Variants in LOC400499 observed in about 807,000 individuals in gnomAD.
the LOC400499 span, chr16:11,478,788 AT>A: frequency 6.3e-5 from 25 of 397,808 alleles, no homozygotes; most frequent in Admixed American, 9.7e-4. Flanking sequence ...AGCTCCCATA[AT>A]TCCCACATGC....
chr16:11,488,893 G>C, the LOC400499 span: 6 of 398,708 alleles, frequency 1.5e-5, no homozygotes, highest in Non-Finnish European at 2.2e-5. Flanking sequence ...GGGCAGCAGG[G>C]AGGGGCCGTG....
At chr16:11,441,105 G>C in the LOC400499 span, 2 of 398,986 alleles carry the variant, frequency 5.0e-6, no homozygotes, top group Non-Finnish European at 4.4e-6. Flanking sequence ...GGGGCACTGA[G>C]AGAGGTCTCA....
At chr16:11,422,419 A>G in the LOC400499 span, among the ~76,000 whole-genome samples, 6 of 152,014 alleles carry the variant, frequency 3.9e-5, no homozygotes, top group Non-Finnish European at 7.4e-5. Flanking sequence ...AAGGAATGGG[A>G]CGGAAAGGAA....
chr16:11,408,451 ATTT>A, the LOC400499 span, among the ~76,000 whole-genome samples: 367 of 131,156 alleles, frequency 2.8e-3, no homozygotes, highest in Non-Finnish European at 3.5e-3. Flanking sequence ...TCAGTGCAGG[ATTT>A]TTTTTTTTTT....
the LOC400499 span, among the ~76,000 whole-genome samples, chr16:11,495,370 C>A: frequency 7.3e-5 from 11 of 151,004 alleles, no homozygotes; most frequent in Admixed American, 2.0e-4. Flanking sequence ...TCAGAGAAAT[C>A]AGACCAACAA....
the LOC400499 span, among the ~76,000 whole-genome samples, chr16:11,416,694 A>G: frequency 2.0e-5 from 3 of 152,132 alleles, no homozygotes; most frequent in Non-Finnish European, 4.4e-5. Context: ...GGGAGGTGGA[A>G]AAGAGAGGCC....
the LOC400499 span, chr16:11,393,519 C>G: frequency 8.1e-7 from 1 of 1,232,386 alleles, no homozygotes; most frequent in East Asian, 3.2e-5. Context: ...GGTGGAGACA[C>G]GGCCCAGTAG....
the LOC400499 span, among the ~76,000 whole-genome samples, chr16:11,377,707 TAGTA>T: frequency 6.6e-6 from 1 of 152,240 alleles, no homozygotes; most frequent in African/African-American, 2.4e-5. Context: ...TTCTCCTTAT[TAGTA>T]TTTTGTTGAG....
the LOC400499 span, among the ~76,000 whole-genome samples, chr16:11,417,466 G>C: frequency 6.8e-6 from 1 of 147,502 alleles, no homozygotes; most frequent in African/African-American, 2.6e-5. Flanking sequence ...CACCTGCCTT[G>C]GGAGTTAGGT....
chr16:11,405,304 G>A, the LOC400499 span, among the ~76,000 whole-genome samples: 2,024 of 152,320 alleles, frequency 0.013, 40 homozygotes, highest in African/African-American at 0.046. Context: ...ATCATGTAGC[G>A]AGCAGGTATC....
the LOC400499 span, chr16:11,383,704 G>GCCAGGTTGCAGGCAGGCT: frequency 1.6e-6 from 2 of 1,232,472 alleles, no homozygotes; most frequent in Non-Finnish European, 2.0e-6. Flanking sequence ...GTAGGCGGCC[G>GCCAGGTTGCAGGCAGGCT]CCAGGTTGCA....
At chr16:11,478,596 C>A in the LOC400499 span, 2 of 398,936 alleles carry the variant, frequency 5.0e-6, no homozygotes, top group African/African-American at 4.1e-5. Context: ...TCCCCGTGGC[C>A]CCGCAGTTCA....
the LOC400499 span, among the ~76,000 whole-genome samples, chr16:11,381,281 C>T: frequency 1.7e-4 from 26 of 152,156 alleles, no homozygotes; most frequent in Non-Finnish European, 5.9e-5. Flanking sequence ...GGGTCTCAGT[C>T]TGTCACGCAG....
the LOC400499 span, among the ~76,000 whole-genome samples, chr16:11,482,264 G>A: frequency 2.0e-5 from 3 of 152,184 alleles, no homozygotes; most frequent in South Asian, 6.2e-4. Context: ...AGGGGGAATG[G>A]AGGCTGAGCC....
the LOC400499 span, chr16:11,424,445 C>G: frequency 5.0e-6 from 2 of 398,714 alleles, no homozygotes; most frequent in East Asian, 3.6e-5. Context: ...GGGGGCCTGG[C>G]CAGCACACCT....
At chr16:11,440,653 C>T in the LOC400499 span, 8 of 398,426 alleles carry the variant, frequency 2.0e-5, no homozygotes, top group South Asian at 8.2e-4. Context: ...ACATCTCATA[C>T]AGGGCACCTT....
the LOC400499 span, chr16:11,430,974 C>T: frequency 2.5e-6 from 1 of 398,606 alleles, no homozygotes; most frequent in East Asian, 3.6e-5. Context: ...GGAAATGAAT[C>T]TACCTTGCAG....
chr16:11,478,413 G>C, the LOC400499 span: 26 of 397,814 alleles, frequency 6.5e-5, no homozygotes, highest in Non-Finnish European at 5.8e-5. Flanking sequence ...GCTTCGAGGA[G>C]GTAAACGGAA....
At chr16:11,518,254 C>G in the LOC400499 span, among the ~76,000 whole-genome samples, 3 of 152,198 alleles carry the variant, frequency 2.0e-5, no homozygotes, top group African/African-American at 7.2e-5. Context: ...TCTTTCTTAA[C>G]AAATGAATTT....
Sources: allele counts gnomAD v4.1 joint callset (sites outside exome capture counted in the v4.1 genomes callset), GRCh38; gene constraint gnomAD v4.1.1; transcripts MANE v1.5.